The following PCDHGB3 variants were observed in gnomAD, a reference collection of about 807,000 sequenced individuals.
PCDHGB3 encodes the protein protocadherin gamma subfamily B, 3.
PCDHGB3 carries 40 observed loss-of-function variants against 59.2 expected under a neutral mutation model. The ratio of observed to expected loss-of-function variants is 0.68; its 90% confidence interval spans 0.52 to 0.88. PCDHGB3 has a LOEUF of 0.88. Among genes scored for constraint, PCDHGB3 ranks in the 40% least tolerant of loss-of-function variants. PCDHGB3 has a pLI of 0.00. For synonymous variants in PCDHGB3, 581 were observed against 503.6 expected (o/e 1.15, Z -2.06); for missense variants, 1,309 against 1,187.9 (o/e 1.10, Z -1.50).
chr5:141,400,524 G>T, intron 1 of PCDHGB3: 1 of 1,613,920 alleles, frequency 6.2e-7, no homozygotes, highest in Non-Finnish European at 8.5e-7. Flanking sequence ...ATCCTGAGTT[G>T]GTGAGTTTCA....
At position 141,410,109 on chromosome 5, in the gene PCDHGB3, A is replaced by T. The variant is rs771550139; in HGVS notation, c.2415+37300A>T. On this transcript the variant is annotated intron_variant, in intron 1 of 3. Transcript: ENST00000576222. ...ACGGCTCGAGCCTTAGGCGACAGGG[A>T]CGCAGCCCGCCAGCGCCTGCTGGTC... is the stretch of plus-strand genomic sequence containing the variant. 9.9e-6 allele frequency: 16 copies of T among 1,612,380 alleles called. 1 individual carries two copies. The South Asian group carries it at 1.6e-4, about 17-fold the overall frequency.
At chr5:141,415,396 G>C (rs11575962) in intron 1 of PCDHGB3, 2 of 1,614,204 alleles carry the variant, frequency 1.2e-6, no homozygotes, top group Non-Finnish European at 1.7e-6. Flanking sequence ...AGGTGTGTCC[G>C]GCTCGCACTT....
rs777751826 is a variant in PCDHGB3, at chr5:141,371,625, G to T, written c.1231G>T (p.Asp411Tyr). 2.4e-5 allele frequency: 38 copies of T among 1,613,874 alleles called. No homozygotes were observed. The highest frequency in any genetic ancestry group is 3.3e-5 in the Admixed American group (2 of 60,014). Reference protein sequence around the residue: ...TYRLVTDGALDREQIPEYNVT... With the variant: ...TYRLVTDGALYREQIPEYNVT... ...CAGGTTGGTGACAGATGGAGCCCTG[G>T]ACCGGGAGCAGATCCCAGAATACAA... The change falls in exon 1 of 4, where the codon GAC becomes TAC. Residue 411 changes from aspartate to tyrosine, a missense_variant. Physicochemically the swap from Asp to Tyr is radical, Grantham distance 160. Coordinates refer to ENST00000576222, the MANE Select transcript of PCDHGB3 (RefSeq NM_018924.5).
At chr5:141,378,078 T>A (rs1215089288) in intron 1 of PCDHGB3, 2 of 152,178 alleles carry the variant, frequency 1.3e-5, no homozygotes, top group African/African-American at 4.8e-5. Context: ...GAAAATAATT[T>A]TATAACTTTT....
intron 2 of PCDHGB3, among the ~76,000 whole-genome samples, chr5:141,501,966 C>A (rs1046026111): frequency 1.3e-5 from 2 of 152,118 alleles, no homozygotes; most frequent in African/African-American, 4.8e-5. Context: ...ATCCTCCTAA[C>A]CTCTGGCATC....
At chr5:141,464,279 C>CAAA (rs373828487) in intron 1 of PCDHGB3, among the ~76,000 whole-genome samples, 8 of 137,748 alleles carry the variant, frequency 5.8e-5, no homozygotes, top group Admixed American at 1.5e-4. Flanking sequence ...AAAAAAAAAG[C>CAAA]AAAAAAAAAA....
rs372065725 is a variant in PCDHGB3 at position 141,371,830 on chromosome 5, C to G, written c.1436C>G (p.Pro479Arg). Residue 479 changes from proline (P) to arginine (R), a missense_variant, in exon 1 of 4, where the codon CCC becomes CGC. Physicochemically the swap from Pro to Arg is moderately radical, Grantham distance 103. Coordinates refer to ENST00000576222, the MANE Select transcript of PCDHGB3 (RefSeq NM_018924.5). ...ASIAHVRASDPDLGPNGLVSY... is the reference protein window; with the variant it reads ...ASIAHVRASDRDLGPNGLVSY... ...ATTGCGCATGTCAGAGCCTCGGATC[C>G]CGACTTGGGACCTAATGGCCTTGTC... 51 of 1,613,696 alleles carry G rather than the reference C, an allele frequency of 3.2e-5. No homozygotes were observed. Among genetic ancestry groups the G allele is most frequent in the Non-Finnish European group, 4.0e-5 (47 of 1,179,912 alleles).
intron 1 of PCDHGB3, among the ~76,000 whole-genome samples, chr5:141,406,226 A>G (rs888434232): frequency 4.6e-5 from 7 of 152,108 alleles, no homozygotes; most frequent in African/African-American, 1.7e-4. Flanking sequence ...TGGGAGGGCT[A>G]GCAAGCTATG....
At chr5:141,418,530 G>T in intron 1 of PCDHGB3, 6 of 1,613,952 alleles carry the variant, frequency 3.7e-6, no homozygotes, top group Non-Finnish European at 5.1e-6. Flanking sequence ...CCCCGAAGCG[G>T]TACTGCTCAG....
chr5:141,470,791 A>G (rs1234712958), intron 1 of PCDHGB3, among the ~76,000 whole-genome samples: 3 of 152,152 alleles, frequency 2.0e-5, no homozygotes, highest in African/African-American at 7.2e-5. Context: ...GGGCTCAAGC[A>G]ATCCTCCCAC....
At chr5:141,481,919 A>C (rs1488201177) in intron 1 of PCDHGB3, among the ~76,000 whole-genome samples, 1 of 151,214 alleles carries the variant, frequency 6.6e-6, no homozygotes, top group Non-Finnish European at 1.5e-5. Context: ...ATCTCAAAAA[A>C]AAAAAAAAAA....
At chr5:141,394,991 G>C (rs1282662717) in intron 1 of PCDHGB3, 1 of 1,614,012 alleles carries the variant, frequency 6.2e-7, no homozygotes, top group East Asian at 2.2e-5. Flanking sequence ...GCCTGCTCCA[G>C]GATTCCGGTG....
chr5:141,385,730 A>G (rs763520161), intron 1 of PCDHGB3: 8 of 214,510 alleles, frequency 3.7e-5, no homozygotes, highest in Non-Finnish European at 5.7e-5. Flanking sequence ...GTTCTGAAAG[A>G]TTTCTTCCAT....
chr5:141,473,377 C>T (rs2099320819), intron 1 of PCDHGB3, among the ~76,000 whole-genome samples: 1 of 152,202 alleles, frequency 6.6e-6, no homozygotes, highest in Admixed American at 6.5e-5. Flanking sequence ...TAGCATGGTC[C>T]CTGCCCTCCT....
chr5:141,401,922 A>C (rs899426870), intron 1 of PCDHGB3, among the ~76,000 whole-genome samples: 10 of 152,194 alleles, frequency 6.6e-5, no homozygotes, highest in Non-Finnish European at 1.3e-4. Flanking sequence ...AGTTTAAGTG[A>C]TGCTTAGAAT....
intron 1 of PCDHGB3, chr5:141,413,440 A>G (rs4912751): frequency 0.46 from 738,760 of 1,613,878 alleles, 177,316 homozygotes; most frequent in African/African-American, 0.83. Flanking sequence ...CGGCAGCTTG[A>G]TCACCGCGGG....
chr5:141,400,452 A>C, intron 1 of PCDHGB3: 3 of 1,614,038 alleles, frequency 1.9e-6, no homozygotes, highest in Non-Finnish European at 2.5e-6. Context: ...GACAAGACAT[A>C]CTTTGTGGTG....
chr5:141,370,607 G>T lies in PCDHGB3; in HGVS notation c.213G>T (p.Glu71Asp). 6.2e-7 allele frequency: 1 copy of T among 1,614,004 alleles called. No individual in the cohort carries two copies. Among genetic ancestry groups the T allele is most frequent in the South Asian group, 1.1e-5 (1 of 91,080 alleles). Residue 71 changes from glutamate to aspartate, a missense_variant, in exon 1 of 4, where the codon GAG becomes GAT. Physicochemically the swap from Glu to Asp is conservative, Grantham distance 45 (BLOSUM62 2). Coordinates refer to ENST00000576222, the MANE Select transcript of PCDHGB3 (RefSeq NM_018924.5). ...LPTRNLRVIA[E>D]KKFFTVSPEN... Reference sequence around the variant, plus strand: ...CTAGGAACCTGCGGGTTATTGCAGAGAAGAAATTCTTTACCGTGAGCCCCG... The same window carrying T: ...CTAGGAACCTGCGGGTTATTGCAGATAAGAAATTCTTTACCGTGAGCCCCG...
At chr5:141,374,350 G>A in intron 1 of PCDHGB3, 1 of 1,614,038 alleles carries the variant, frequency 6.2e-7, no homozygotes, top group Non-Finnish European at 8.5e-7. Flanking sequence ...CCGCGGGTAG[G>A]ATAGACCGCG....
Sources: allele counts gnomAD v4.1 joint callset (sites outside exome capture counted in the v4.1 genomes callset), GRCh38; gene constraint gnomAD v4.1.1; transcripts MANE v1.5; gene names NCBI Gene and HGNC (gene_info 2026-07-23, HGNC 2026-07-21).